The following ZNF730 variants were observed in gnomAD, a reference collection of about 807,000 sequenced individuals.
The protein encoded by ZNF730 is putative zinc finger protein 730.
Under a neutral mutation model 12.6 loss-of-function variants are expected in ZNF730, and 12 were observed. That is an observed-to-expected ratio of 0.95 (90% CI 0.61 to 1.54). The LOEUF is 1.54. Among genes scored for constraint, ZNF730 ranks in the 40% most tolerant of loss-of-function variants. ZNF730 has a pLI of 0.00. For synonymous variants in ZNF730, 194 were observed against 195.8 expected (o/e 0.99, Z 0.08); for missense variants, 643 against 583.5 (o/e 1.10, Z -1.05).
At chr19:23,088,841 G>C (rs1568301531) in intron 1 of ZNF730, among the ~76,000 whole-genome samples, 1 of 152,214 alleles carries the variant, frequency 6.6e-6, no homozygotes, top group Non-Finnish European at 1.5e-5. Flanking sequence ...TGATCATGTG[G>C]TTTTGTTCCT....
chr19:23,109,366 C>T (rs965908507), intron 1 of ZNF730, among the ~76,000 whole-genome samples: 16 of 151,234 alleles, frequency 1.1e-4, no homozygotes, highest in Non-Finnish European at 1.8e-4. Flanking sequence ...GTAGCTGGGA[C>T]TACAGGCACA....
intron 1 of ZNF730, chr19:23,095,206 A>G (rs990378920): frequency 1.3e-5 from 5 of 395,100 alleles, no homozygotes; most frequent in African/African-American, 8.2e-5. Context: ...ACATAGTGAC[A>G]TATCACTGGG....
chr19:23,130,820 G>A (rs191893901), intron 1 of ZNF730, among the ~76,000 whole-genome samples: 1 of 152,114 alleles, frequency 6.6e-6, no homozygotes, highest in African/African-American at 2.4e-5. Context: ...TTGGCATACA[G>A]AACCAAATTC....
chr19:23,125,240 C>CA (rs1970648436), intron 1 of ZNF730, among the ~76,000 whole-genome samples: 1 of 152,010 alleles, frequency 6.6e-6, no homozygotes, highest in Admixed American at 6.6e-5. Context: ...CAGACTAATA[C>CA]AAAAAATTGT....
intron 1 of ZNF730, among the ~76,000 whole-genome samples, chr19:23,092,760 C>G (rs766593262): frequency 2.0e-5 from 3 of 152,048 alleles, no homozygotes. Context: ...TTCAACCAAC[C>G]TTGCATTTCA....
intron 1 of ZNF730, among the ~76,000 whole-genome samples, chr19:23,120,212 C>G (rs963840668): frequency 6.6e-6 from 1 of 152,010 alleles, no homozygotes; most frequent in Non-Finnish European, 1.5e-5. Flanking sequence ...CCAGGCTGGT[C>G]TCGAACTCCT....
intron 1 of ZNF730, among the ~76,000 whole-genome samples, chr19:23,087,299 T>A (rs1309739115): frequency 6.6e-6 from 1 of 151,896 alleles, no homozygotes; most frequent in Non-Finnish European, 1.5e-5. Flanking sequence ...TCCCAGGTAC[T>A]CAGAAGGCTG....
intron 1 of ZNF730, among the ~76,000 whole-genome samples, chr19:23,107,474 A>C (rs562917808): frequency 3.8e-4 from 57 of 148,668 alleles, no homozygotes; most frequent in African/African-American, 1.3e-3. Flanking sequence ...AAAAAAAAAA[A>C]ACCACCACAG....
intron 1 of ZNF730, among the ~76,000 whole-genome samples, chr19:23,087,428 G>T (rs1446748845): frequency 3.3e-5 from 5 of 152,086 alleles, no homozygotes; most frequent in African/African-American, 9.6e-5. Flanking sequence ...AAGAAAAAAA[G>T]AAATGCTAGT....
intron 1 of ZNF730, among the ~76,000 whole-genome samples, chr19:23,076,341 C>T (rs1969860357): frequency 6.6e-6 from 1 of 152,148 alleles, no homozygotes; most frequent in Non-Finnish European, 1.5e-5. Context: ...TGTCACTCCA[C>T]TGTAAAAAAT....
chr19:23,087,035 A>G (rs147180095), intron 1 of ZNF730, among the ~76,000 whole-genome samples: 1 of 76,228 alleles, frequency 1.3e-5, no homozygotes, highest in Admixed American at 1.0e-4. Context: ...TAGGCATTTT[A>G]TCTTTTTTGT....
Position 23,145,510 on chromosome 19 carries a change from A to G in ZNF730, c.466A>G (p.Lys156Glu). Residue 156 changes from lysine (K) to glutamate (E), a missense_variant, in exon 4 of 4, where the codon AAA becomes GAA. By Grantham distance (56) the Lys-to-Glu change is moderately conservative (BLOSUM62 1). Coordinates refer to ENST00000597761, the MANE Select transcript of ZNF730 (RefSeq NM_001277403.2). ...QCDKYVKVFHKFSNSNRHKIR... is the reference protein window; with the variant it reads ...QCDKYVKVFHEFSNSNRHKIR... ...TGACAAATATGTGAAAGTCTTTCAT[A>G]AATTTTCAAATTCAAACAGACATAA... is the stretch of plus-strand genomic sequence containing the variant. 1 of 1,560,490 alleles carries G rather than the reference A, an allele frequency of 6.4e-7. No homozygotes were observed. Among genetic ancestry groups the G allele is most frequent in the Non-Finnish European group, 8.7e-7 (1 of 1,153,226 alleles).
intron 1 of ZNF730, 50 bp from the exon 2 acceptor site, chr19:23,134,030 T>G: frequency 6.2e-7 from 1 of 1,603,266 alleles, no homozygotes; most frequent in South Asian, 1.1e-5. Flanking sequence ...AAACTTAAAA[T>G]TCTGCCCAGG....
At chr19:23,096,173 CTT>C (rs775666387) in intron 1 of ZNF730, among the ~76,000 whole-genome samples, 85 of 152,120 alleles carry the variant, frequency 5.6e-4, no homozygotes, top group Non-Finnish European at 9.7e-4. Context: ...TGAAATGACT[CTT>C]TGTTTGGGCC....
At chr19:23,128,250 ACACCAGAAGT>A in intron 1 of ZNF730, 2 of 716,512 alleles carry the variant, frequency 2.8e-6, no homozygotes, top group African/African-American at 3.5e-5. Context: ...ATGCAGCAGT[ACACCAGAAGT>A]ACATCATAGG....
chr19:23,099,985 G>A (rs1359342856), intron 1 of ZNF730: 1 of 152,194 alleles, frequency 6.6e-6, no homozygotes, highest in East Asian at 1.9e-4. Context: ...TGCCGCATAG[G>A]TGTATTGTGA....
chr19:23,125,927 GT>G (rs1191754403), intron 1 of ZNF730: 1 of 152,372 alleles, frequency 6.6e-6, no homozygotes, highest in Non-Finnish European at 1.5e-5. Context: ...AACTCTCACT[GT>G]TATTGCTGTT....
rs181392165 is a variant in ZNF730, at chr19:23,141,331, G to T, written c.227-3940G>T. On this transcript the variant is annotated intron_variant, in intron 3 of 3. Coordinates refer to ENST00000597761, the MANE Select transcript of ZNF730 (RefSeq NM_001277403.2). ...AATCACTTGAACCCAGGAGGCAGAG[G>T]TTGTAGGGAGGTGAGATCACGCCAC... is the stretch of plus-strand genomic sequence containing the variant. 2.6e-5 allele frequency among the ~76,000 whole-genome samples: 4 copies of T among 151,974 alleles called. No homozygotes were observed. The East Asian group carries it at 7.7e-4, about 29-fold the overall frequency.
At chr19:23,120,541 GTGTTTA>G (rs1970586296) in intron 1 of ZNF730, among the ~76,000 whole-genome samples, 1 of 150,952 alleles carries the variant, frequency 6.6e-6, no homozygotes, top group African/African-American at 2.4e-5. Context: ...ATTTCTAATT[GTGTTTA>G]TTTGGTTCTT....
Sources: allele counts gnomAD v4.1 joint callset (sites outside exome capture counted in the v4.1 genomes callset), GRCh38; gene constraint gnomAD v4.1.1; transcripts MANE v1.5; gene names NCBI Gene and HGNC (gene_info 2026-07-23, HGNC 2026-07-21).